TNPO3: variants seen among roughly 807,000 people sequenced by gnomAD.
TNPO3 encodes transportin 3, also known as transportin-3.
A neutral mutation model predicts 122.8 loss-of-function variants in TNPO3; 65 were observed. The observed-to-expected ratio is 0.53, with a 90% CI of 0.43 to 0.65. TNPO3 has a LOEUF of 0.65. TNPO3 is among the 30% of genes least tolerant of loss of function. The pLI is 0.00. For missense variants in TNPO3, 850 were observed against 1,136.7 expected, an observed-to-expected ratio of 0.75 and a Z score of 3.63; for synonymous variants, 372 against 411.2, an observed-to-expected ratio of 0.90 and a Z score of 1.15.
intron 19 of TNPO3, among the ~76,000 whole-genome samples, chr7:128,971,472 T>C (rs1390540453): frequency 6.6e-6 from 1 of 152,254 alleles, no homozygotes; most frequent in Non-Finnish European, 1.5e-5. Context: ...AATACACATG[T>C]ATTTCTAATA....
rs983638892 is a variant in TNPO3 at position 129,016,606 on chromosome 7, G to A, written c.395+377C>T. Among the ~76,000 whole-genome samples, 13 of 152,240 alleles carry A rather than the reference G, an allele frequency of 8.5e-5. No individual in the cohort carries two copies. In the East Asian group the frequency reaches 1.2e-3, roughly 14 times the overall value. ...AAAGAATATTGCCCCTCTGATAAAC[G>A]TGAAACAAACTCCAATTAGTAAGAA... On this transcript the variant is annotated intron_variant, in intron 3 of 22. Transcript: ENST00000265388.
intron 1 of TNPO3, among the ~76,000 whole-genome samples, chr7:129,046,813 T>C (rs554228281): frequency 6.6e-6 from 1 of 152,278 alleles, no homozygotes; most frequent in East Asian, 1.9e-4. Context: ...AGAGAGAGCT[T>C]GTGGAGGGGA....
chr7:128,967,440 T>A, intron 20 of TNPO3, 48 bp from the exon 21 acceptor site: 3 of 1,265,284 alleles, frequency 2.4e-6, no homozygotes, highest in Middle Eastern at 1.9e-4. Flanking sequence ...CATAGCTTAC[T>A]CACCTGAGAC....
At chr7:129,028,765 C>T (rs1287546850) in intron 1 of TNPO3, 1 of 247,762 alleles carries the variant, frequency 4.0e-6, no homozygotes, top group African/African-American at 2.3e-5. Context: ...CACTGCTGCT[C>T]TGAGGGCACA....
intron 16 of TNPO3, among the ~76,000 whole-genome samples, chr7:128,976,221 C>T (rs1436689849): frequency 6.6e-6 from 1 of 152,188 alleles, no homozygotes; most frequent in Non-Finnish European, 1.5e-5. Flanking sequence ...TGCAAAACCC[C>T]AGCACAGAAT....
chr7:129,049,823 A>G (rs1168628166), intron 1 of TNPO3, among the ~76,000 whole-genome samples: 1 of 152,158 alleles, frequency 6.6e-6, no homozygotes, highest in Non-Finnish European at 1.5e-5. Flanking sequence ...GGATGAGACG[A>G]GAATAGGGAA....
chr7:128,973,912 G>A (rs1198258550), intron 18 of TNPO3, among the ~76,000 whole-genome samples: 6 of 151,174 alleles, frequency 4.0e-5, no homozygotes, highest in African/African-American at 9.7e-5. Flanking sequence ...GGTGGCTCAC[G>A]CCTGTAATCC....
chr7:128,958,987 G>C (rs1162926455), intron 21 of TNPO3, among the ~76,000 whole-genome samples: 2 of 152,210 alleles, frequency 1.3e-5, no homozygotes, highest in African/African-American at 4.8e-5. Context: ...CTGGGCAACA[G>C]AGTGAGACCC....
chr7:129,045,002 G>A (rs560807723), intron 1 of TNPO3, among the ~76,000 whole-genome samples: 3 of 152,222 alleles, frequency 2.0e-5, no homozygotes, highest in South Asian at 4.2e-4. Context: ...TACATACAAC[G>A]GGATATTATT....
intron 9 of TNPO3, 43 bp downstream of exon 9, chr7:128,993,764 A>T: frequency 6.7e-7 from 1 of 1,501,188 alleles, no homozygotes; most frequent in Non-Finnish European, 9.2e-7. Context: ...GAATACAATT[A>T]AGGTGACTAG....
intron 2 of TNPO3, among the ~76,000 whole-genome samples, chr7:129,017,419 A>C (rs146099948): frequency 3.9e-5 from 6 of 152,378 alleles, no homozygotes; most frequent in African/African-American, 1.4e-4. Context: ...CTACTAATAA[A>C]GTCAGACCTT....
intron 1 of TNPO3, among the ~76,000 whole-genome samples, chr7:129,020,866 A>G (rs1049681580): frequency 3.3e-5 from 5 of 152,224 alleles, no homozygotes; most frequent in Non-Finnish European, 5.9e-5. Context: ...AAGGGTATCT[A>G]CAAGAACCCC....
chr7:129,002,153 C>T (rs188430436), intron 5 of TNPO3, among the ~76,000 whole-genome samples: 114 of 152,306 alleles, frequency 7.5e-4, no homozygotes, highest in Non-Finnish European at 1.2e-3. Context: ...ATTCAGCCTA[C>T]AACTTAATAC....
chr7:129,042,318 T>C (rs1217643922), intron 1 of TNPO3, among the ~76,000 whole-genome samples: 3 of 152,192 alleles, frequency 2.0e-5, no homozygotes, highest in South Asian at 2.1e-4. Context: ...CAAAGATTTA[T>C]AGTATATTGG....
At chr7:128,979,915 C>T (rs1799458496) in intron 15 of TNPO3, 56 bp downstream of exon 15, 2 of 1,517,566 alleles carry the variant, frequency 1.3e-6, no homozygotes, top group African/African-American at 1.4e-5. Context: ...TTACCCAAAG[C>T]CCTGTAAGGA....
At chr7:128,997,249 T>G (rs1414791604) in intron 8 of TNPO3, 140 bp downstream of exon 8, 1 of 777,046 alleles carries the variant, frequency 1.3e-6, no homozygotes, top group Non-Finnish European at 2.0e-6. Flanking sequence ...TTCATCTGCC[T>G]TGGCCTCCCA....
chr7:129,050,406 G>T (rs535458849), intron 1 of TNPO3, among the ~76,000 whole-genome samples: 1 of 61,004 alleles, frequency 1.6e-5, no homozygotes, highest in Non-Finnish European at 3.4e-5. Context: ...AAAAAAGGGT[G>T]GGGGGGGAAT....
chr7:128,979,020 T>A lies in TNPO3; in HGVS notation c.2024A>T (p.Lys675Ile). 7 of 1,614,176 alleles carry A rather than the reference T, an allele frequency of 4.3e-6. No individual in the cohort carries two copies. Among genetic ancestry groups the A allele is most frequent in the Non-Finnish European group, 5.9e-6 (7 of 1,180,008 alleles). Residue 675 changes from lysine (K) to isoleucine (I), a missense_variant, in exon 16 of 23, where the codon AAA (lysine) becomes ATA (isoleucine). Transcript: ENST00000265388. Reference sequence around the variant, plus strand: ...TGGCTGCAGCAGTGCTGCAGATCCTTTGCCTACACAGCGAACAGCAAAGCG... The same window carrying A: ...TGGCTGCAGCAGTGCTGCAGATCCTATGCCTACACAGCGAACAGCAAAGCG... ...CLRFAVRCVG[K>I]GSAALLQPLV...
At chr7:128,961,550 ACTGTATTTTCTGT>A (rs1797459590) in intron 21 of TNPO3, among the ~76,000 whole-genome samples, 1 of 152,070 alleles carries the variant, frequency 6.6e-6, no homozygotes, top group Non-Finnish European at 1.5e-5. Flanking sequence ...GTAACACATG[ACTGTATTTTCTGT>A]CTCGGTCCTT....
Sources: gnomAD v4.1 joint callset for allele counts (sites outside exome capture counted in the v4.1 genomes callset) on GRCh38, gnomAD v4.1.1 for gene constraint, MANE v1.5 for transcripts, NCBI Gene and HGNC (gene_info 2026-07-23, HGNC 2026-07-21) for gene names.